MID1: variants seen among roughly 807,000 people sequenced by gnomAD.
MID1 encodes midline 1.
A neutral mutation model predicts 40.4 loss-of-function variants in MID1; 7 were observed. That is an observed-to-expected ratio of 0.17 (90% CI 0.10 to 0.33). The LOEUF is 0.33. Ranked by LOEUF, MID1 falls within the 10% of genes least tolerant of loss-of-function variation. The pLI is 1.00. For synonymous variants in MID1, 229 were observed against 221.2 expected (o/e 1.04, Z -0.31); for missense variants, 367 against 558.5 (o/e 0.66, Z 3.46).
intron 7 of MID1, among the ~76,000 whole-genome samples, chrX:10,465,258 C>CACACACACACACAT (rs1929320008): frequency 2.1e-5 from 2 of 96,465 alleles, no homozygotes; most frequent in African/African-American, 7.8e-5. Flanking sequence ...CACACACACA[C>CACACACACACACAT]ACATACATAT....
At chrX:10,513,947 T>C (rs1932279502) in intron 3 of MID1, among the ~76,000 whole-genome samples, 1 of 112,330 alleles carries the variant, frequency 8.9e-6, no homozygotes, top group Non-Finnish European at 1.9e-5. Flanking sequence ...AATACTGTAA[T>C]GGAGACAGGA....
At chrX:10,552,894 C>T (rs375907081) in intron 2 of MID1, among the ~76,000 whole-genome samples, 9 of 111,248 alleles carry the variant, frequency 8.1e-5, no homozygotes, top group Non-Finnish European at 1.5e-4. Flanking sequence ...CCCTTAAGTT[C>T]GCACAATTCT....
chrX:10,618,058 A>C (rs1935869213), intron 1 of MID1, among the ~76,000 whole-genome samples: 1 of 111,822 alleles, frequency 8.9e-6, no homozygotes, highest in South Asian at 3.8e-4. Flanking sequence ...ACAGCCTTCT[A>C]ATTCTGCGGG....
At chrX:10,656,419 C>G in intron 1 of MID1, among the ~76,000 whole-genome samples, 1 of 111,903 alleles carries the variant, frequency 8.9e-6, no homozygotes, top group Non-Finnish European at 1.9e-5. Context: ...TGTACTGCCA[C>G]TTCCTGTTGG....
At chrX:10,753,296 C>T in intron 1 of MID1, among the ~76,000 whole-genome samples, 1 of 110,833 alleles carries the variant, frequency 9.0e-6, no homozygotes, top group Non-Finnish European at 1.9e-5. Flanking sequence ...TCCTTCGGAG[C>T]CATTGTGGCC....
chrX:10,812,550 G>A (rs758122760), intron 1 of MID1, among the ~76,000 whole-genome samples: 1 of 110,697 alleles, frequency 9.0e-6, no homozygotes, highest in African/African-American at 3.3e-5. Context: ...TCAGAAACTA[G>A]ATGAACATCA....
intron 8 of MID1, among the ~76,000 whole-genome samples, chrX:10,456,866 A>C (rs1928708543): frequency 9.1e-6 from 1 of 110,091 alleles, no homozygotes; most frequent in Non-Finnish European, 1.9e-5. Flanking sequence ...AGAAAAGAAA[A>C]GCTTTAAAGG....
At chrX:10,484,538 C>T (rs1048874764) in intron 4 of MID1, among the ~76,000 whole-genome samples, 6 of 111,801 alleles carry the variant, frequency 5.4e-5, no homozygotes, top group East Asian at 2.8e-4. Flanking sequence ...AAATGAGAGT[C>T]GCCTGTGAAA....
intron 1 of MID1, among the ~76,000 whole-genome samples, chrX:10,760,335 A>G (rs1807016293): frequency 2.7e-5 from 3 of 112,008 alleles, no homozygotes; most frequent in African/African-American, 9.7e-5. Context: ...CTCTCTAAAG[A>G]TATAAGAATG....
chrX:10,699,445 T>G (rs1259058161), intron 1 of MID1, among the ~76,000 whole-genome samples: 1 of 112,343 alleles, frequency 8.9e-6, no homozygotes, highest in Non-Finnish European at 1.9e-5. Context: ...TAAGGAGTTG[T>G]CCTTTTGAGA....
At position 10,449,443 on chromosome X, in the gene MID1, C is replaced by T; in HGVS notation, c.1929G>A (p.Val643=). 8.3e-7 allele frequency: 1 copy of T among 1,211,893 alleles called. No individual in the cohort carries two copies. The highest frequency in any genetic ancestry group is 2.3e-4 in the Middle Eastern group (1 of 4,350). Residue 643 remains valine (V), a synonymous_variant, in exon 10 of 10, where the codon GTG becomes GTA. Transcript: ENST00000317552. ...TGATAATCGTCAGACACTTGTTCCA[C>T]ACGGTGAAGGTGGGGCAAACAGGCT... is the stretch of plus-strand genomic sequence containing the variant. ...FAQPVCPTFT[V]WNKCLTIITG... is the part of the protein sequence containing the mutation.
intron 2 of MID1, among the ~76,000 whole-genome samples, chrX:10,540,915 A>G (rs189279962): frequency 1.8e-5 from 2 of 112,360 alleles, no homozygotes; most frequent in African/African-American, 3.2e-5. Flanking sequence ...CGGTTCCTAC[A>G]GAGTTTGAGA....
intron 3 of MID1, chrX:10,506,597 G>A: frequency 8.2e-6 from 4 of 488,514 alleles, no homozygotes; most frequent in Non-Finnish European, 1.5e-5. Flanking sequence ...GGTCCTGGGA[G>A]GGGCAGAAAA....
At chrX:10,723,964 T>C (rs1294184585) in intron 1 of MID1, among the ~76,000 whole-genome samples, 2 of 112,832 alleles carry the variant, frequency 1.8e-5, no homozygotes, top group Non-Finnish European at 3.7e-5. Flanking sequence ...AGCCATGTAT[T>C]GCATGCTAAT....
intron 1 of MID1, among the ~76,000 whole-genome samples, chrX:10,590,650 G>A (rs1053985484): frequency 1.2e-4 from 14 of 112,293 alleles, no homozygotes; most frequent in South Asian, 3.7e-4. Context: ...TCCCATAAAC[G>A]CTAGGAAGCT....
chrX:10,516,490 G>A (rs1602335008), intron 3 of MID1, among the ~76,000 whole-genome samples: 1 of 108,834 alleles, frequency 9.2e-6, no homozygotes, highest in Non-Finnish European at 1.9e-5. Context: ...CACCGCACCT[G>A]GCCTGAAGTT....
intron 1 of MID1, among the ~76,000 whole-genome samples, chrX:10,763,586 T>C (rs1318672185): frequency 1.8e-5 from 2 of 111,726 alleles, no homozygotes; most frequent in Admixed American, 1.9e-4. Flanking sequence ...TTGGGTTGGT[T>C]CCAAGTCTTT....
intron 1 of MID1, among the ~76,000 whole-genome samples, chrX:10,770,662 A>T (rs907777472): frequency 2.7e-5 from 3 of 112,439 alleles, no homozygotes; most frequent in Non-Finnish European, 3.8e-5. Flanking sequence ...TGTCCCTTTC[A>T]TCAATCATGT....
At chrX:10,812,757 C>T (rs1378454989) in intron 1 of MID1, among the ~76,000 whole-genome samples, 4 of 111,441 alleles carry the variant, frequency 3.6e-5, no homozygotes, top group Non-Finnish European at 5.7e-5. Context: ...TCTGACTTGG[C>T]CTGAGAGAAA....
Sources: allele counts gnomAD v4.1 joint callset (sites outside exome capture counted in the v4.1 genomes callset), GRCh38; gene constraint gnomAD v4.1.1; transcripts MANE v1.5; gene names NCBI Gene and HGNC (gene_info 2026-07-23, HGNC 2026-07-21).